ENPP2: variants seen among roughly 807,000 people sequenced by gnomAD.
The protein encoded by ENPP2 is autotaxin.
A neutral mutation model predicts 120.2 loss-of-function variants in ENPP2; 51 were observed. The ratio of observed to expected loss-of-function variants is 0.42; its 90% CI spans 0.34 to 0.54. The LOEUF (loss-of-function observed/expected upper bound fraction) is 0.54, where lower values mean the gene tolerates loss of function less well. ENPP2 is among the 20% of genes least tolerant of loss of function. ENPP2 has a pLI of 0.04. For synonymous variants in ENPP2, 365 were observed against 366.4 expected (o/e 1.00, Z 0.04); for missense variants, 920 against 1,066.5 (o/e 0.86, Z 1.91).
intron 19 of ENPP2, among the ~76,000 whole-genome samples, chr8:119,578,068 T>G (rs1812471610): frequency 6.6e-6 from 1 of 152,222 alleles, no homozygotes; most frequent in Non-Finnish European, 1.5e-5. Flanking sequence ...TTTGTTTGTT[T>G]GTGAGACAGT....
At chr8:119,572,703 C>T (rs961041119) in intron 19 of ENPP2, 33 of 161,066 alleles carry the variant, frequency 2.0e-4, no homozygotes, top group African/African-American at 7.5e-4. Flanking sequence ...ACATTGAGCG[C>T]CTTGGTTGTG....
At chr8:119,656,561 A>G (rs918790613) in intron 1 of ENPP2, among the ~76,000 whole-genome samples, 7 of 152,226 alleles carry the variant, frequency 4.6e-5, no homozygotes, top group Admixed American at 4.6e-4. Context: ...TTGAGAATCT[A>G]CTATGGCCTA....
In ENPP2 at chr8:119,559,000, G is replaced by A. The variant is rs888745166; in HGVS notation, c.2422-1309C>T. On this transcript the variant is annotated intron_variant, in intron 24 of 24. Transcript: ENST00000075322. Reference sequence around the variant, plus strand: ...TATGTTCGGGAGGGTGTTGGTTCAGGAAACTGATGCCTGGCCATCTCAGGC... The same window carrying A: ...TATGTTCGGGAGGGTGTTGGTTCAGAAAACTGATGCCTGGCCATCTCAGGC... Among the ~76,000 whole-genome samples, 6 of 152,182 alleles carry A rather than the reference G, an allele frequency of 3.9e-5. 1 individual carries two copies. Among genetic ancestry groups the A allele is most frequent in the African/African-American group, 1.4e-4 (6 of 41,448 alleles).
At chr8:119,646,473 C>T (rs551480425) in intron 1 of ENPP2, among the ~76,000 whole-genome samples, 10 of 152,262 alleles carry the variant, frequency 6.6e-5, no homozygotes, top group East Asian at 1.9e-4. Context: ...GCTTCTGATG[C>T]GAGTTTGAGG....
At chr8:119,655,513 C>A (rs866862710) in intron 1 of ENPP2, among the ~76,000 whole-genome samples, 1 of 152,174 alleles carries the variant, frequency 6.6e-6, no homozygotes, top group Non-Finnish European at 1.5e-5. Context: ...GAGTTAGGAA[C>A]CCTCTCTGGA....
intron 1 of ENPP2, among the ~76,000 whole-genome samples, chr8:119,645,323 T>G (rs1817411175): frequency 6.6e-6 from 1 of 152,192 alleles, no homozygotes; most frequent in South Asian, 2.1e-4. Flanking sequence ...TTCATTTCTT[T>G]TCAGGAAAAC....
At chr8:119,663,874 C>A (rs1817994787) in intron 1 of ENPP2, among the ~76,000 whole-genome samples, 2 of 152,172 alleles carry the variant, frequency 1.3e-5, no homozygotes, top group Admixed American at 1.3e-4. Flanking sequence ...GAATTAATAT[C>A]TGAAGAGTAT....
chr8:119,613,094 C>A lies in ENPP2; in HGVS notation c.777+3171G>T, dbSNP rs559628795. Among the ~76,000 whole-genome samples the A allele has an allele frequency of 2.0e-5, 3 of 152,132 alleles. No homozygotes were observed. In the East Asian group the frequency reaches 5.8e-4, roughly 29 times the overall value. On this transcript the variant is annotated intron_variant, in intron 8 of 24. Coordinates refer to ENST00000075322, the MANE Select transcript of ENPP2 (RefSeq NM_001040092.3). ...CAGATTTAAACAGAACAGGGAACAA[C>A]CCCATGGAAGTATCTTTGTATTAGA...
intron 8 of ENPP2, among the ~76,000 whole-genome samples, chr8:119,610,889 T>C (rs138893324): frequency 0.093 from 13,720 of 147,530 alleles, 2,001 homozygotes; most frequent in African/African-American, 0.32. Context: ...GATGACAGAG[T>C]GAGATTCTGT....
intron 2 of ENPP2, among the ~76,000 whole-genome samples, chr8:119,634,743 T>C (rs1053058811): frequency 6.6e-6 from 1 of 152,192 alleles, no homozygotes; most frequent in African/African-American, 2.4e-5. Context: ...GAAGTTCTTT[T>C]CAAAATATAA....
chr8:119,600,893 CTT>C (rs972108218), intron 10 of ENPP2, 143 bp from the exon 11 acceptor site: 126 of 473,204 alleles, frequency 2.7e-4, no homozygotes, highest in Middle Eastern at 1.1e-3. Flanking sequence ...GCATGAAAAA[CTT>C]TTTTTTTTTT....
At chr8:119,659,338 C>A (rs960066073) in intron 1 of ENPP2, among the ~76,000 whole-genome samples, 31 of 66,162 alleles carry the variant, frequency 4.7e-4, no homozygotes, top group African/African-American at 6.6e-4. Flanking sequence ...AAAAAAAAAA[C>A]CAGAGTTCTT....
chr8:119,608,740 T>C (rs887804881), intron 8 of ENPP2, among the ~76,000 whole-genome samples: 5 of 152,224 alleles, frequency 3.3e-5, no homozygotes, highest in Admixed American at 3.3e-4. Flanking sequence ...TGTGTTTCTG[T>C]TTCCTTTACA....
chr8:119,604,759 T>C (rs985483860), intron 9 of ENPP2, among the ~76,000 whole-genome samples: 11 of 152,150 alleles, frequency 7.2e-5, no homozygotes, highest in Non-Finnish European at 1.0e-4. Flanking sequence ...AAGCATTTTA[T>C]GTTGTTTTAT....
intron 22 of ENPP2, among the ~76,000 whole-genome samples, chr8:119,566,941 C>T (rs774570475): frequency 1.3e-5 from 2 of 152,208 alleles, no homozygotes; most frequent in East Asian, 1.9e-4. Flanking sequence ...AATAAACCTT[C>T]GTTTACTAAC....
intron 1 of ENPP2, among the ~76,000 whole-genome samples, chr8:119,661,907 A>G (rs547126956): frequency 6.6e-6 from 1 of 152,302 alleles, no homozygotes; most frequent in Non-Finnish European, 1.5e-5. Context: ...ACTTAATGAA[A>G]TAAGCCAGGC....
intron 1 of ENPP2, among the ~76,000 whole-genome samples, chr8:119,654,113 G>A (rs1817701845): frequency 7.0e-6 from 1 of 142,006 alleles, no homozygotes; most frequent in Non-Finnish European, 1.5e-5. Context: ...AACATGTACA[G>A]AGATATATAA....
In ENPP2 at chr8:119,587,814, T is replaced by C. The variant is rs1427455781; in HGVS notation, c.1208-739A>G. On this transcript the variant is annotated intron_variant, in intron 13 of 24. Coordinates refer to ENST00000075322, the MANE Select transcript of ENPP2 (RefSeq NM_001040092.3). ...GAGATTGTAGGTTGCTTGGATTTTGTTTTGTTTTCAGGAAGTTTGCTTCAG... is the reference window on the plus strand; with the variant it reads ...GAGATTGTAGGTTGCTTGGATTTTGCTTTGTTTTCAGGAAGTTTGCTTCAG... Among the ~76,000 whole-genome samples the C allele has an allele frequency of 2.6e-5, 4 of 152,330 alleles. No homozygotes were observed. The East Asian group carries it at 5.8e-4, about 22-fold the overall frequency.
chr8:119,653,523 G>A (rs1014299738), intron 1 of ENPP2, among the ~76,000 whole-genome samples: 2 of 152,176 alleles, frequency 1.3e-5, no homozygotes, highest in African/African-American at 4.8e-5. Context: ...GGAAAAAATA[G>A]CAGGTGCAAA....
Sources: gnomAD v4.1 joint callset for allele counts (sites outside exome capture counted in the v4.1 genomes callset) on GRCh38, gnomAD v4.1.1 for gene constraint, MANE v1.5 for transcripts, NCBI Gene and HGNC (gene_info 2026-07-23, HGNC 2026-07-21) for gene names.